The following CYP4F22 variants were observed in gnomAD, a reference collection of about 807,000 sequenced individuals.
CYP4F22 encodes the protein ultra-long-chain fatty acid omega-hydroxylase.
CYP4F22 carries 37 observed loss-of-function variants against 60.4 expected under a neutral mutation model. The ratio of observed to expected loss-of-function variants is 0.61; its 90% confidence interval spans 0.47 to 0.81. CYP4F22 has a LOEUF of 0.81. CYP4F22 is among the 30% of genes least tolerant of loss of function. The probability of loss-of-function intolerance (pLI) is 0.00; values close to 1 mark genes in which losing one functional copy is unlikely to be tolerated. For synonymous variants in CYP4F22, 258 were observed against 280.5 expected (o/e 0.92, Z 0.80); for missense variants, 655 against 715.0 (o/e 0.92, Z 0.96).
intron 1 of CYP4F22, among the ~76,000 whole-genome samples, chr19:15,523,241 C>T (rs1480100847): frequency 2.0e-5 from 3 of 151,858 alleles, no homozygotes; most frequent in African/African-American, 7.3e-5. Context: ...GTGCCTGTAA[C>T]CCCAGCTACT....
chr19:15,549,031 A>T, intron 11 of CYP4F22, 107 bp from the exon 12 acceptor site: 1 of 1,222,216 alleles, frequency 8.2e-7, no homozygotes, highest in East Asian at 2.4e-5. Context: ...AGGTGGTGGC[A>T]GATGGCTCAT....
chr19:15,551,560 AC>A lies in CYP4F22; in HGVS notation c.*95del. Reference sequence around the variant, plus strand: ...CCCAAAGATCCCGAGGGCATAGGCCACCCCCCTCGAAGTTCAGGTTCAGCTC... The same window carrying A: ...CCCAAAGATCCCGAGGGCATAGGCCACCCCCTCGAAGTTCAGGTTCAGCTC... On this transcript the variant is annotated 3_prime_UTR_variant, in exon 14 of 14. Transcript: ENST00000269703. 7 of 1,447,930 alleles carry A rather than the reference AC, an allele frequency of 4.8e-6. No homozygotes were observed. The highest frequency in any genetic ancestry group is 2.4e-4 in the Middle Eastern group (1 of 4,098). The allele number at this position is 1,447,930 out of a possible 1,614,324, so 89.7% of individuals were successfully genotyped here.
chr19:15,547,504 T>A (rs1010832970), intron 10 of CYP4F22, among the ~76,000 whole-genome samples: 11 of 152,156 alleles, frequency 7.2e-5, no homozygotes, highest in Non-Finnish European at 1.3e-4. Flanking sequence ...TCTGAGCGGT[T>A]GGTGCTCAGA....
At chr19:15,529,230 G>A (rs1188943576) in intron 3 of CYP4F22, among the ~76,000 whole-genome samples, 4 of 151,764 alleles carry the variant, frequency 2.6e-5, no homozygotes, top group Admixed American at 1.3e-4. Context: ...CTGGGTTCAA[G>A]CGATTCTCCT....
At chr19:15,527,740 T>G (rs2144515770) in intron 3 of CYP4F22, among the ~76,000 whole-genome samples, 1 of 152,334 alleles carries the variant, frequency 6.6e-6, no homozygotes, top group South Asian at 2.1e-4. Flanking sequence ...GTTGAATCAT[T>G]TGGCAATTGC....
chr19:15,518,369 G>A (rs558108560), intron 1 of CYP4F22, among the ~76,000 whole-genome samples: 5 of 151,696 alleles, frequency 3.3e-5, no homozygotes, highest in East Asian at 1.9e-4. Context: ...GGCCGGGCAC[G>A]GTGGCTCACG....
At chr19:15,515,473 C>G in intron 1 of CYP4F22, 1 of 798,408 alleles carries the variant, frequency 1.3e-6, no homozygotes, top group Non-Finnish European at 2.2e-6. Context: ...GCTTGCAATC[C>G]CAGCACTTTG....
In CYP4F22 at chr19:15,544,143, C is replaced by T; in HGVS notation, c.1007-7C>T. 1 of 1,614,170 alleles carries T rather than the reference C, an allele frequency of 6.2e-7. No homozygotes were observed. The highest frequency in any genetic ancestry group is 8.5e-7 in the Non-Finnish European group (1 of 1,180,052). ...GCCTCCATTCAGATACCCTCATCTCCCTGCAGGTCACGACACAACATCCAG... is the reference window on the plus strand; with the variant it reads ...GCCTCCATTCAGATACCCTCATCTCTCTGCAGGTCACGACACAACATCCAG... On this transcript the variant is annotated splice_region_variant and splice_polypyrimidine_tract_variant and intron_variant, in intron 9 of 13. Transcript: ENST00000269703.
intron 1 of CYP4F22, among the ~76,000 whole-genome samples, chr19:15,514,517 C>T (rs1317147336): frequency 6.6e-6 from 1 of 152,056 alleles, no homozygotes; most frequent in Non-Finnish European, 1.5e-5. Context: ...GAAACCCCGT[C>T]TCTATTAAAA....
intron 10 of CYP4F22, among the ~76,000 whole-genome samples, chr19:15,545,018 AC>A (rs1259985374): frequency 6.6e-6 from 1 of 152,058 alleles, no homozygotes; most frequent in Non-Finnish European, 1.5e-5. Context: ...CTGAGATTGC[AC>A]CACTGCACTC....
At chr19:15,545,222 G>A (rs1450650622) in intron 10 of CYP4F22, among the ~76,000 whole-genome samples, 2 of 152,094 alleles carry the variant, frequency 1.3e-5, no homozygotes, top group African/African-American at 2.4e-5. Context: ...TGAGCAGAAG[G>A]CACTGAAGAA....
chr19:15,529,643 G>C (rs1971319970), intron 3 of CYP4F22, 66 bp from the exon 4 acceptor site: 2 of 1,601,558 alleles, frequency 1.2e-6, no homozygotes, highest in Middle Eastern at 1.7e-4. Context: ...GGAGGTGGCA[G>C]GAGGAAGGCA....
rs373223970 is a variant in CYP4F22 at position 15,537,613 on chromosome 19, T to A, written c.500T>A (p.Ile167Asn). 10 of 1,614,002 alleles carry A rather than the reference T, an allele frequency of 6.2e-6. No homozygotes were observed. The highest frequency in any genetic ancestry group is 6.8e-6 in the Non-Finnish European group (8 of 1,180,054). The change falls in exon 6 of 14, where the codon ATC (isoleucine) becomes AAC (asparagine). Residue 167 changes from isoleucine to asparagine, a missense_variant. Ile to Asn is a moderately radical substitution (Grantham distance 149). Coordinates refer to ENST00000269703, the MANE Select transcript of CYP4F22 (RefSeq NM_173483.4). ...RLLTPAFHFD[I>N]LKPYMKIFNQ... Reference sequence around the variant, plus strand: ...CTGACACCCGCCTTCCACTTTGACATCCTGAAGCCTTACATGAAGATCTTC... The same window carrying A: ...CTGACACCCGCCTTCCACTTTGACAACCTGAAGCCTTACATGAAGATCTTC...
At chr19:15,509,914 T>TTTCC (rs1178828724) in intron 1 of CYP4F22, among the ~76,000 whole-genome samples, 2,285 of 133,960 alleles carry the variant, frequency 0.017, 97 homozygotes, top group African/African-American at 0.059. Flanking sequence ...CCTTTCTTTC[T>TTTCC]TTCCTTCCTT....
rs1330435195 is a variant in CYP4F22 at position 15,548,145 on chromosome 19, A to C, written c.1174A>C (p.Ile392Leu). ...TCAGCTGCCCTTTACAACTATGTGC[A>C]TTAAGGAGAGCCTGCGCCAGTACCC... is the stretch of plus-strand genomic sequence containing the variant. The part of the protein sequence containing the change: ...LTQLPFTTMC[I>L]KESLRQYPPV... The change falls in exon 11 of 14, where the codon ATT (isoleucine) becomes CTT (leucine). Residue 392 changes from isoleucine (I) to leucine (L), a missense_variant. By Grantham distance (5) the Ile-to-Leu change is conservative. Transcript: ENST00000269703. The C allele has an allele frequency of 6.2e-7, 1 of 1,613,720 alleles. No homozygotes were observed. The highest frequency in any genetic ancestry group is 8.5e-7 in the Non-Finnish European group (1 of 1,179,988).
intron 8 of CYP4F22, among the ~76,000 whole-genome samples, chr19:15,542,843 T>C (rs1971479460): frequency 1.3e-5 from 2 of 152,184 alleles, no homozygotes; most frequent in Admixed American, 1.3e-4. Flanking sequence ...CTAAGGATGA[T>C]GGCTTCCAGC....
rs370538954 is a variant in CYP4F22 at position 15,542,258 on chromosome 19, G to A, written c.939+1541G>A. Among the ~76,000 whole-genome samples the A allele has an allele frequency of 6.2e-4, 95 of 152,176 alleles. 1 individual carries two copies. In the South Asian group the frequency reaches 0.016, roughly 26 times the overall value. On this transcript the variant is annotated intron_variant, in intron 8 of 13. Transcript: ENST00000269703. The stretch of plus-strand genomic sequence containing the variant: ...TTTAAAGTTCCAGGATAAGCCGGGC[G>A]CAGTGGCTCACCCCTGTAATCCCAG...
intron 3 of CYP4F22, among the ~76,000 whole-genome samples, chr19:15,528,759 C>T (rs1160208317): frequency 1.3e-5 from 2 of 152,132 alleles, no homozygotes; most frequent in East Asian, 1.9e-4. Context: ...ATAATAGCAA[C>T]GGTCTCATAG....
rs377027789 is a variant in CYP4F22 at position 15,523,047 on chromosome 19, CG to C, written c.-108-645del. On this transcript the variant is annotated intron_variant, in intron 1 of 13. Coordinates refer to ENST00000269703, the MANE Select transcript of CYP4F22 (RefSeq NM_173483.4). ...CTTCTGCATGGAAAATGTGGTTTGG[CG>C]TTGGCTGGCAGAAGACCTAAGTGAG... Among the ~76,000 whole-genome samples, 279 of 151,408 alleles carry C rather than the reference CG, an allele frequency of 1.8e-3. 2 individuals carry two copies. The highest frequency in any genetic ancestry group is 6.5e-3 in the African/African-American group (268 of 41,334).
Sources: gnomAD v4.1 joint callset for allele counts (sites outside exome capture counted in the v4.1 genomes callset) on GRCh38, gnomAD v4.1.1 for gene constraint, MANE v1.5 for transcripts, NCBI Gene and HGNC (gene_info 2026-07-23, HGNC 2026-07-21) for gene names.